The following RS1 variants were observed in gnomAD, a reference collection of about 807,000 sequenced individuals.
RS1 encodes retinoschisin.
Under a neutral mutation model 20.8 loss-of-function variants are expected in RS1, and 2 were observed. The observed-to-expected ratio is 0.10, with a 90% confidence interval of 0.04 to 0.30. The LOEUF is 0.30. Among genes scored for constraint, RS1 ranks in the 10% least tolerant of loss-of-function variants. RS1 has a pLI of 1.00. For synonymous variants in RS1, 70 were observed against 75.8 expected, an observed-to-expected ratio of 0.92 and a Z score of 0.40; for missense variants, 151 against 189.8, an observed-to-expected ratio of 0.80 and a Z score of 1.20.
intron 1 of RS1, among the ~76,000 whole-genome samples, chrX:18,663,802 C>G (rs1026903546): frequency 9.0e-6 from 1 of 111,644 alleles, no homozygotes; most frequent in African/African-American, 3.3e-5. Context: ...CTCCACCCAC[C>G]CAGTAAACAT....
intron 1 of RS1, among the ~76,000 whole-genome samples, chrX:18,668,829 A>G (rs1007721101): frequency 1.9e-4 from 21 of 110,866 alleles, no homozygotes; most frequent in African/African-American, 6.6e-4. Flanking sequence ...GGGCTGGGGG[A>G]GGGGGGAGAC....
chrX:18,667,998 T>G (rs1445430319), intron 1 of RS1, among the ~76,000 whole-genome samples: 3 of 111,941 alleles, frequency 2.7e-5, no homozygotes, highest in Non-Finnish European at 1.9e-5. Context: ...AAAAGCATTT[T>G]TGGCGACAAC....
chrX:18,666,908 G>T (rs1197187902), intron 1 of RS1, among the ~76,000 whole-genome samples: 1 of 110,689 alleles, frequency 9.0e-6, no homozygotes, highest in African/African-American at 3.3e-5. Context: ...CAAGGGATTT[G>T]GGGAGGATGG....
rs1927580023 is a variant in RS1 at position 18,641,705 on chromosome X, A to C, written c.*299T>G. On this transcript the variant is annotated 3_prime_UTR_variant, in exon 6 of 6. Transcript: ENST00000379984. Reference sequence around the variant, plus strand: ...CTGAGACTGCACCTTTCACAGTATCACTGAGACAAAAAATGAGCAGAAAAT... The same window carrying C: ...CTGAGACTGCACCTTTCACAGTATCCCTGAGACAAAAAATGAGCAGAAAAT... The C allele has an allele frequency of 6.0e-6, 2 of 332,535 alleles. No individual in the cohort carries two copies. The highest frequency in any genetic ancestry group is 9.5e-5 in the Admixed American group (2 of 21,135). 27.4% of individuals were successfully genotyped at this position (332,535 alleles called of 1,213,427 possible). A position where few individuals can be genotyped will look rare whatever the true frequency, so the allele number is the denominator to read the frequency against.
chrX:18,656,085 G>A (rs937087402), intron 3 of RS1, among the ~76,000 whole-genome samples: 23 of 101,639 alleles, frequency 2.3e-4, no homozygotes, highest in Non-Finnish European at 3.1e-4. Flanking sequence ...TCCGCCTCCC[G>A]GGTTCAAGCA....
chrX:18,652,526 G>A (rs1025696033), intron 3 of RS1, among the ~76,000 whole-genome samples: 5 of 111,359 alleles, frequency 4.5e-5, no homozygotes, highest in African/African-American at 9.8e-5. Context: ...AAAATTAGCC[G>A]AGCGCAGTGG....
At chrX:18,649,579 A>G (rs1191358341) in intron 3 of RS1, among the ~76,000 whole-genome samples, 3 of 111,686 alleles carry the variant, frequency 2.7e-5, no homozygotes, top group East Asian at 2.8e-4. Flanking sequence ...TCTCACTAGT[A>G]TCTGCAGCTC....
chrX:18,651,132 C>T (rs1299895622), intron 3 of RS1, among the ~76,000 whole-genome samples: 5 of 101,161 alleles, frequency 4.9e-5, no homozygotes, highest in Admixed American at 1.1e-4. Context: ...CCCCCACCAC[C>T]GCACCCCCCG....
chrX:18,652,624 G>A (rs771494037), intron 3 of RS1, among the ~76,000 whole-genome samples: 3 of 111,229 alleles, frequency 2.7e-5, no homozygotes, highest in Admixed American at 9.5e-5. Context: ...AGCCAAGATC[G>A]TGCCACTGCA....
In RS1 at chrX:18,665,351, T is replaced by C. The variant is rs192785881; in HGVS notation, c.52+6666A>G. Among the ~76,000 whole-genome samples, 84 of 112,104 alleles carry C rather than the reference T, an allele frequency of 7.5e-4. 1 individual carries two copies. The highest frequency in any genetic ancestry group is 6.6e-3 in the Admixed American group (70 of 10,541). On this transcript the variant is annotated intron_variant, in intron 1 of 5. Coordinates refer to ENST00000379984, the MANE Select transcript of RS1 (RefSeq NM_000330.4). ...TCTGAGATGTATTATGATCTCTCCATTTCCACACCCCTATGATGCATATAA... is the reference window on the plus strand; with the variant it reads ...TCTGAGATGTATTATGATCTCTCCACTTCCACACCCCTATGATGCATATAA...
chrX:18,647,182 C>T lies in RS1; in HGVS notation c.326+9G>A. ...AGCACATGAAAAAAAATCCCCGGGC[C>T]CTGCTTACCCAAAGCCTTGACTGTT... is the stretch of plus-strand genomic sequence containing the variant. On this transcript the variant is annotated intron_variant, in intron 4 of 5. Transcript: ENST00000379984. 8.3e-7 allele frequency: 1 copy of T among 1,210,653 alleles called. No homozygotes were observed. The highest frequency in any genetic ancestry group is 1.1e-6 in the Non-Finnish European group (1 of 895,253).
chrX:18,669,487 CAAAAAA>C (rs386416704), intron 1 of RS1, among the ~76,000 whole-genome samples: 1 of 58,898 alleles, frequency 1.7e-5, no homozygotes, highest in East Asian at 8.3e-4. Context: ...GTGAAATTCT[CAAAAAA>C]AAAAAAAAAA....
At chrX:18,645,990 T>C (rs1378884405) in intron 4 of RS1, 1 of 1,211,130 alleles carries the variant, frequency 8.3e-7, no homozygotes, top group South Asian at 1.8e-5. Flanking sequence ...GCTCTTTTGT[T>C]TCTCCCCACT....
chrX:18,649,626 T>G (rs1457981618), intron 3 of RS1, among the ~76,000 whole-genome samples: 1 of 111,723 alleles, frequency 9.0e-6, no homozygotes, highest in Non-Finnish European at 1.9e-5. Context: ...ATTTGTAGTT[T>G]ATTGAGTACT....
At chrX:18,646,105 C>G (rs1927761767) in intron 4 of RS1, 6 of 1,211,721 alleles carry the variant, frequency 5.0e-6, no homozygotes, top group Non-Finnish European at 6.7e-6. Context: ...AGTCTGGGCC[C>G]CGCATGCCAT....
intron 3 of RS1, among the ~76,000 whole-genome samples, chrX:18,648,887 G>C (rs1454308440): frequency 6.4e-5 from 7 of 109,628 alleles, no homozygotes; most frequent in Admixed American, 9.7e-5. Flanking sequence ...GACCAGCCTG[G>C]GGCAACATAG....
In RS1 at chrX:18,672,053, C is replaced by T. The variant is rs2147209806; in HGVS notation, c.16G>A (p.Glu6Lys). The T allele has an allele frequency of 8.3e-7, 1 of 1,210,867 alleles. No individual in the cohort carries two copies. Residue 6 changes from glutamate (E) to lysine (K), a missense_variant, in exon 1 of 6, where the codon GAA becomes AAA. Coordinates refer to ENST00000379984, the MANE Select transcript of RS1 (RefSeq NM_000330.4). ...AAGAGAAGTAATAACAAAAAGCCTT[C>T]TATCTTGCGTGACATCTTCCCCTCG... MSRKI[E>K]GFLLLLLFGY...
chrX:18,656,135 G>A (rs1022526613), intron 3 of RS1, among the ~76,000 whole-genome samples: 9 of 108,409 alleles, frequency 8.3e-5, no homozygotes. Flanking sequence ...GGGACCACAG[G>A]TGCAAGCCAC....
intron 5 of RS1, among the ~76,000 whole-genome samples, chrX:18,643,939 A>G (rs1351555998): frequency 9.0e-6 from 1 of 111,281 alleles, no homozygotes. Context: ...CCAAAGGTTT[A>G]AGTTCGTCTG....
Sources: gnomAD v4.1 joint callset for allele counts (sites outside exome capture counted in the v4.1 genomes callset) on GRCh38, gnomAD v4.1.1 for gene constraint, MANE v1.5 for transcripts, NCBI Gene and HGNC (gene_info 2026-07-23, HGNC 2026-07-21) for gene names.